PHEX: variants seen among roughly 807,000 people sequenced by gnomAD.
PHEX encodes phosphate regulating endopeptidase X-linked, also known as phosphate-regulating neutral endopeptidase PHEX.
In PHEX, 16 loss-of-function variants were observed where a neutral mutation model predicts 68.0. The observed-to-expected ratio is 0.24, with a 90% CI of 0.16 to 0.36. The LOEUF (loss-of-function observed/expected upper bound fraction) is 0.36. Ranked by LOEUF, PHEX falls within the 10% of genes least tolerant of loss-of-function variation. The probability of loss-of-function intolerance (pLI) is 1.00; values close to 1 mark genes in which losing one functional copy is unlikely to be tolerated. For missense variants in PHEX, 480 were observed against 575.5 expected, an observed-to-expected ratio of 0.83 and a Z score of 1.70; for synonymous variants, 208 against 205.1, an observed-to-expected ratio of 1.01 and a Z score of -0.12.
At chrX:22,167,491 C>CTTTTTTTTTT (rs1164658740) in intron 12 of PHEX, among the ~76,000 whole-genome samples, 10 of 84,085 alleles carry the variant, frequency 1.2e-4, no homozygotes, top group African/African-American at 4.7e-4. Context: ...TTTTTAATTT[C>CTTTTTTTTTT]TTTTTTTTTT....
intron 15 of PHEX, among the ~76,000 whole-genome samples, chrX:22,200,534 G>A (rs1467988547): frequency 1.8e-5 from 2 of 111,187 alleles, no homozygotes; most frequent in Admixed American, 9.6e-5. Context: ...ACTTGAACCC[G>A]GGAGGCGGAG....
chrX:22,134,954 G>C (rs1002748803), intron 12 of PHEX, among the ~76,000 whole-genome samples: 8 of 111,990 alleles, frequency 7.1e-5, no homozygotes, highest in African/African-American at 2.6e-4. Context: ...TTGCCTCAGC[G>C]TTCTGGGAAT....
intron 3 of PHEX, among the ~76,000 whole-genome samples, chrX:22,071,826 G>A (rs1371493286): frequency 8.9e-6 from 1 of 112,538 alleles, no homozygotes; most frequent in Non-Finnish European, 1.9e-5. Flanking sequence ...CACCGGGCGC[G>A]GTGGCTCATG....
Position 22,071,910 on chromosome X carries a change from C to G in PHEX, c.350-4478C>G, listed in dbSNP as rs191692945. Among the ~76,000 whole-genome samples the G allele has an allele frequency of 2.9e-3, 285 of 99,357 alleles. 1 individual carries two copies. Among genetic ancestry groups the G allele is most frequent in the African/African-American group, 0.01 (270 of 26,864 alleles). The allele number at this position is 99,357 out of a possible 115,157, so 86.3% of individuals were successfully genotyped here. A position where few individuals can be genotyped will look rare whatever the true frequency, so the allele number is the denominator to read the frequency against. The stretch of plus-strand genomic sequence containing the variant: ...GTCAGGAGTTCGAGATCAGCCTGAC[C>G]AACATGGTGAAACCCCGTCTCTACT... On this transcript the variant is annotated intron_variant, in intron 3 of 21. Transcript: ENST00000379374.
At chrX:22,081,197 G>A (rs751485656) in intron 5 of PHEX, among the ~76,000 whole-genome samples, 1 of 110,320 alleles carries the variant, frequency 9.1e-6, no homozygotes, top group Non-Finnish European at 1.9e-5. Flanking sequence ...CCCATTTCTC[G>A]GTCTTTTCCT....
chrX:22,117,308 T>C (rs1268239207), intron 11 of PHEX, among the ~76,000 whole-genome samples: 2 of 111,678 alleles, frequency 1.8e-5, no homozygotes, highest in Non-Finnish European at 3.8e-5. Flanking sequence ...CCGTGAGAAA[T>C]AGCAGCCTGA....
intron 5 of PHEX, among the ~76,000 whole-genome samples, chrX:22,085,086 A>G (rs1039552893): frequency 9.0e-6 from 1 of 111,035 alleles, no homozygotes; most frequent in Non-Finnish European, 1.9e-5. Context: ...TTGTTTATGA[A>G]TTGTTATTTG....
intron 11 of PHEX, among the ~76,000 whole-genome samples, chrX:22,127,189 T>G (rs1931774866): frequency 9.0e-6 from 1 of 111,052 alleles, no homozygotes; most frequent in East Asian, 2.8e-4. Context: ...TAAATAGATA[T>G]TTAACAAAAC....
chrX:22,233,724 A>G (rs1031103687), intron 20 of PHEX, among the ~76,000 whole-genome samples: 1 of 111,380 alleles, frequency 9.0e-6, no homozygotes, highest in Non-Finnish European at 1.9e-5. Flanking sequence ...CCTGTTTTCA[A>G]GGTTCTTAGC....
intron 3 of PHEX, among the ~76,000 whole-genome samples, chrX:22,054,913 C>T (rs966982218): frequency 9.1e-6 from 1 of 109,500 alleles, no homozygotes; most frequent in Non-Finnish European, 1.9e-5. Flanking sequence ...GTGACTCACA[C>T]CTGTAGTCCC....
intron 15 of PHEX, among the ~76,000 whole-genome samples, chrX:22,201,611 C>T (rs1378894674): frequency 9.0e-6 from 1 of 111,595 alleles, no homozygotes; most frequent in Non-Finnish European, 1.9e-5. Context: ...GGGTAGTATC[C>T]TGGGAGGACA....
intron 20 of PHEX, among the ~76,000 whole-genome samples, chrX:22,232,097 C>G (rs1003498786): frequency 1.8e-5 from 2 of 111,925 alleles, no homozygotes; most frequent in African/African-American, 6.5e-5. Context: ...GTTTCTTAAT[C>G]CTGAGTTCTA....
chrX:22,219,098 A>T lies in PHEX; in HGVS notation c.1763A>T (p.Asn588Ile), dbSNP rs772130004. ...VGHEFTHGFD[N>I]NGRKYDKNGN... is the part of the protein sequence containing the mutation. ...CATGAATTTACACATGGATTTGATAATAATGGTAAGTACCGGTTCATTTTA... is the reference window on the plus strand; with the variant it reads ...CATGAATTTACACATGGATTTGATATTAATGGTAAGTACCGGTTCATTTTA... Residue 588 changes from asparagine (N) to isoleucine (I), a missense_variant, in exon 17 of 22, where the codon AAT becomes ATT. Asn to Ile is a moderately radical substitution (Grantham distance 149). Coordinates refer to ENST00000379374, the MANE Select transcript of PHEX (RefSeq NM_000444.6). 8.7e-7 allele frequency: 1 copy of T among 1,146,739 alleles called. No homozygotes were observed. Among genetic ancestry groups the T allele is most frequent in the East Asian group, 3.0e-5 (1 of 33,525 alleles). The allele number at this position is 1,146,739 out of a possible 1,213,427, so 94.5% of individuals were successfully genotyped here.
intron 17 of PHEX, among the ~76,000 whole-genome samples, chrX:22,220,932 A>C (rs1443264607): frequency 8.9e-6 from 1 of 112,598 alleles, no homozygotes; most frequent in African/African-American, 3.2e-5. Flanking sequence ...GCTGTAGAGA[A>C]AATGAAGAGT....
Position 22,249,134 on chromosome X carries a change from T to TGAGAAA in PHEX, c.*1185_*1190dup, listed in dbSNP as rs1936478388. ...ACTCTTCAAGTCATCTAAAGAGTTGTGAGAAAGAGCAGTACTATGTGTTTT... is the reference window on the plus strand; with the variant it reads ...ACTCTTCAAGTCATCTAAAGAGTTGTGAGAAAGAGAAAGAGCAGTACTATGTGTTTT... On this transcript the variant is annotated 3_prime_UTR_variant, in exon 22 of 22. Coordinates refer to ENST00000379374, the MANE Select transcript of PHEX (RefSeq NM_000444.6). 9.1e-6 allele frequency: 1 copy of TGAGAAA among 109,564 alleles called. No homozygotes were observed. The highest frequency in any genetic ancestry group is 9.9e-5 in the Admixed American group (1 of 10,138). 9.0% of individuals were successfully genotyped at this position (109,564 alleles called of 1,213,427 possible).
At chrX:22,041,029 G>A (rs1365943323) in intron 2 of PHEX, among the ~76,000 whole-genome samples, 1 of 108,186 alleles carries the variant, frequency 9.2e-6, no homozygotes. Flanking sequence ...GGTTTAGGAG[G>A]TAGAGGGCCT....
At chrX:22,136,642 T>A (rs1384313695) in intron 12 of PHEX, among the ~76,000 whole-genome samples, 1 of 112,017 alleles carries the variant, frequency 8.9e-6, no homozygotes, top group Non-Finnish European at 1.9e-5. Context: ...CATTCCATAG[T>A]GACCGACCTC....
intron 3 of PHEX, among the ~76,000 whole-genome samples, chrX:22,064,066 C>T (rs1441695091): frequency 1.8e-5 from 2 of 112,566 alleles, no homozygotes; most frequent in Admixed American, 9.4e-5. Context: ...TATTACATGA[C>T]GCTTTTTTAT....
At chrX:22,118,178 T>C (rs1444370478) in intron 11 of PHEX, among the ~76,000 whole-genome samples, 1 of 103,497 alleles carries the variant, frequency 9.7e-6, no homozygotes, top group Admixed American at 1.0e-4. Context: ...AAAATGCAGA[T>C]TCTCATTGCA....
Sources: gnomAD v4.1 joint callset for allele counts (sites outside exome capture counted in the v4.1 genomes callset) on GRCh38, gnomAD v4.1.1 for gene constraint, MANE v1.5 for transcripts, NCBI Gene and HGNC (gene_info 2026-07-23, HGNC 2026-07-21) for gene names.